Variants in CNST observed in about 807,000 individuals in gnomAD.
CNST encodes consortin, connexin sorting protein, also known as consortin.
In CNST, 39 loss-of-function variants were observed where a neutral mutation model predicts 72.4. That is an observed-to-expected ratio of 0.54 (90% confidence interval 0.42 to 0.70). The LOEUF is 0.70. Among genes scored for constraint, CNST ranks in the 30% least tolerant of loss-of-function variants. The probability of loss-of-function intolerance (pLI) is 0.00; values close to 1 mark genes in which losing one functional copy is unlikely to be tolerated. For synonymous variants in CNST, 332 were observed against 320.1 expected (o/e 1.04, Z -0.40); for missense variants, 871 against 868.5 (o/e 1.00, Z -0.04).
chr1:246,583,341 A>G (rs1352768652), intron 1 of CNST, among the ~76,000 whole-genome samples: 1 of 152,212 alleles, frequency 6.6e-6, no homozygotes, highest in Non-Finnish European at 1.5e-5. Flanking sequence ...ACCTTTCCAC[A>G]GTAAAAGTAA....
At chr1:246,646,062 G>A (rs1254524678) in intron 8 of CNST, among the ~76,000 whole-genome samples, 2 of 151,792 alleles carry the variant, frequency 1.3e-5, no homozygotes, top group Non-Finnish European at 2.9e-5. Context: ...GGCAGATCAC[G>A]AGGTCAGGAG....
In CNST at chr1:246,647,485, G is replaced by A. The variant is rs768405416; in HGVS notation, c.1284G>A (p.Lys428=). Residue 428 remains lysine, a synonymous_variant, in exon 9 of 11, where the codon AAG becomes AAA. Transcript: ENST00000366513. Reference sequence around the variant, plus strand: ...ACCCTAAGGTGTTTCTTTCCAGCAAGTCAAAGACAGAGCCGTTGATTTCAC... The same window carrying A: ...ACCCTAAGGTGTTTCTTTCCAGCAAATCAAAGACAGAGCCGTTGATTTCAC... ...AEDPKVFLSS[K]SKTEPLISPG... 8.7e-6 allele frequency: 14 copies of A among 1,614,108 alleles called. No individual in the cohort carries two copies. The highest frequency in any genetic ancestry group is 1.6e-4 in the Middle Eastern group (1 of 6,084).
In CNST at chr1:246,666,149, C is replaced by T. The variant is rs1667382769; in HGVS notation, c.*244C>T. The T allele has an allele frequency of 2.1e-6, 1 of 470,550 alleles. No homozygotes were observed. Among genetic ancestry groups the T allele is most frequent in the Non-Finnish European group, 3.8e-6 (1 of 261,258 alleles). 29.1% of individuals were successfully genotyped at this position (470,550 alleles called of 1,614,324 possible). A position where few individuals can be genotyped will look rare whatever the true frequency, so the allele number is the denominator to read the frequency against. On this transcript the variant is annotated 3_prime_UTR_variant, in exon 11 of 11. Coordinates refer to ENST00000366513, the MANE Select transcript of CNST (RefSeq NM_152609.3). ...GTCTTTGGAGAGAGCATATCCATCTCCTCCTCACTGCCTCCTAATGTCATG... is the reference window on the plus strand; with the variant it reads ...GTCTTTGGAGAGAGCATATCCATCTTCTCCTCACTGCCTCCTAATGTCATG...
At chr1:246,592,807 A>G (rs1009840154) in intron 2 of CNST, among the ~76,000 whole-genome samples, 5 of 152,260 alleles carry the variant, frequency 3.3e-5, no homozygotes, top group Non-Finnish European at 4.4e-5. Flanking sequence ...CACTTTGGTT[A>G]AAAAGTAATT....
In CNST at chr1:246,579,550, C is replaced by G. The variant is rs542363921; in HGVS notation, c.-51-11962C>G. 4.3e-4 allele frequency among the ~76,000 whole-genome samples: 65 copies of G among 152,320 alleles called. 1 individual carries two copies. Among genetic ancestry groups the G allele is most frequent in the Middle Eastern group, 6.8e-3 (2 of 294 alleles). On this transcript the variant is annotated intron_variant, in intron 1 of 10. Coordinates refer to ENST00000366513, the MANE Select transcript of CNST (RefSeq NM_152609.3). ...TTGGGAGGCCAAAACAGGAGGATCA[C>G]TTGAGCCCAGGAGTTCAAGACCAGC...
chr1:246,613,858 T>C (rs1245410723), intron 2 of CNST, among the ~76,000 whole-genome samples: 1 of 149,294 alleles, frequency 6.7e-6, no homozygotes, highest in Non-Finnish European at 1.5e-5. Flanking sequence ...CATGCCCAGC[T>C]AATTTTTTGT....
At chr1:246,597,946 T>A (rs548355201) in intron 2 of CNST, among the ~76,000 whole-genome samples, 2 of 150,474 alleles carry the variant, frequency 1.3e-5, no homozygotes, top group South Asian at 2.1e-4. Context: ...AAATGGTAGT[T>A]GTTGTGTTTA....
chr1:246,661,744 T>C (rs1180865106), intron 10 of CNST, among the ~76,000 whole-genome samples: 3 of 152,172 alleles, frequency 2.0e-5, no homozygotes, highest in African/African-American at 7.2e-5. Context: ...ATAAAACAAC[T>C]GCATTGTTAA....
chr1:246,595,838 T>C (rs1661839689), intron 2 of CNST, among the ~76,000 whole-genome samples: 1 of 152,220 alleles, frequency 6.6e-6, no homozygotes, highest in Non-Finnish European at 1.5e-5. Flanking sequence ...TTTGTAGTCA[T>C]TTTTCAATTA....
intron 1 of CNST, among the ~76,000 whole-genome samples, chr1:246,577,140 G>C (rs919035514): frequency 6.6e-6 from 1 of 152,042 alleles, no homozygotes; most frequent in African/African-American, 2.4e-5. Flanking sequence ...GTAGGGAAAA[G>C]AACATGTGCT....
At chr1:246,659,859 A>T (rs1051922640) in intron 9 of CNST, among the ~76,000 whole-genome samples, 2 of 152,322 alleles carry the variant, frequency 1.3e-5, no homozygotes, top group African/African-American at 4.8e-5. Flanking sequence ...TGACGAAGCA[A>T]AGAGGGGACT....
At chr1:246,597,848 C>T (rs1038529450) in intron 2 of CNST, among the ~76,000 whole-genome samples, 7 of 152,120 alleles carry the variant, frequency 4.6e-5, no homozygotes. Context: ...GAAGGCTGAT[C>T]CTACATGTCT....
chr1:246,632,337 C>T (rs751493952), intron 4 of CNST: 10 of 282,408 alleles, frequency 3.5e-5, no homozygotes, highest in Non-Finnish European at 6.2e-5. Context: ...GGGACATTGC[C>T]GCCCCCGTGA....
At chr1:246,623,230 G>GA (rs936113550) in intron 3 of CNST, among the ~76,000 whole-genome samples, 15 of 151,142 alleles carry the variant, frequency 9.9e-5, no homozygotes, top group South Asian at 6.3e-4. Flanking sequence ...AACCCATTTA[G>GA]AAAAAAAAAT....
intron 2 of CNST, among the ~76,000 whole-genome samples, chr1:246,615,331 AG>A (rs1663611623): frequency 1.3e-5 from 2 of 151,954 alleles, no homozygotes; most frequent in South Asian, 4.1e-4. Context: ...GCGTGCCACC[AG>A]GCCCGGCTAA....
At position 246,643,379 on chromosome 1, in the gene CNST, A is replaced by T. The variant is rs61852413; in HGVS notation, c.937+1342A>T. 2.0e-3 allele frequency among the ~76,000 whole-genome samples: 310 copies of T among 152,312 alleles called. 2 individuals carry two copies. Among genetic ancestry groups the T allele is most frequent in the South Asian group, 8.7e-3 (42 of 4,828 alleles). On this transcript the variant is annotated intron_variant, in intron 8 of 10. Transcript: ENST00000366513. ...AGCTTCATAACAATCTTAAAGGAGGAAAAATATCACAAAGCTGCCCAGTTT... is the reference window on the plus strand; with the variant it reads ...AGCTTCATAACAATCTTAAAGGAGGTAAAATATCACAAAGCTGCCCAGTTT...
chr1:246,632,408 CT>C, intron 4 of CNST: 1 of 212,390 alleles, frequency 4.7e-6, no homozygotes. Context: ...CCAGTCTTGC[CT>C]TCCCCTTGGA....
At chr1:246,643,107 G>A (rs1481873440) in intron 8 of CNST, among the ~76,000 whole-genome samples, 1 of 151,724 alleles carries the variant, frequency 6.6e-6, no homozygotes, top group Non-Finnish European at 1.5e-5. Flanking sequence ...GCTCAGGCTG[G>A]TCTGGAAGTC....
At chr1:246,653,831 T>C (rs745998164) in intron 9 of CNST, among the ~76,000 whole-genome samples, 3 of 152,170 alleles carry the variant, frequency 2.0e-5, no homozygotes, top group Non-Finnish European at 2.9e-5. Flanking sequence ...CCCCTCCAAA[T>C]TGGTCTTACG....
Sources: gnomAD v4.1 joint callset for allele counts (sites outside exome capture counted in the v4.1 genomes callset) on GRCh38, gnomAD v4.1.1 for gene constraint, MANE v1.5 for transcripts, NCBI Gene and HGNC (gene_info 2026-07-23, HGNC 2026-07-21) for gene names.